The following SOD2 variants were observed in gnomAD, a reference collection of about 807,000 sequenced individuals.
SOD2 encodes the protein superoxide dismutase [Mn], mitochondrial.
SOD2 carries 11 observed loss-of-function variants against 27.0 expected under a neutral mutation model. That is an observed-to-expected ratio of 0.41 (90% confidence interval 0.26 to 0.67). The LOEUF (loss-of-function observed/expected upper bound fraction) is 0.67, where lower values mean the gene tolerates loss of function less well. Among genes scored for constraint, SOD2 ranks in the 30% least tolerant of loss-of-function variants. The pLI is 0.34. For synonymous variants in SOD2, 105 were observed against 103.0 expected, an observed-to-expected ratio of 1.02 and a Z score of -0.12; for missense variants, 250 against 274.5, an observed-to-expected ratio of 0.91 and a Z score of 0.63.
intron 1 of SOD2, chr6:159,742,195 T>G (rs752421123): frequency 1.4e-6 from 2 of 1,444,360 alleles, no homozygotes; most frequent in South Asian, 1.2e-5. Flanking sequence ...TCCTTTTGAT[T>G]GTTAAAATCA....
chr6:159,739,394 T>C (rs1414242901), intron 1 of SOD2, among the ~76,000 whole-genome samples: 2 of 152,180 alleles, frequency 1.3e-5, no homozygotes, highest in Non-Finnish European at 2.9e-5. Flanking sequence ...CTTTTTCTTA[T>C]TAGTGTGACC....
At chr6:159,756,275 T>C (rs2114964987) in intron 1 of SOD2, 1 of 152,792 alleles carries the variant, frequency 6.5e-6, no homozygotes, top group African/African-American at 2.4e-5. Flanking sequence ...ATATCTTACC[T>C]GTACTGACCA....
Position 159,673,550 on chromosome 6 carries a change from G to A in SOD2, c.*8943C>T, listed in dbSNP as rs1000113082. 1 of 152,036 alleles carries A rather than the reference G, an allele frequency of 6.6e-6. No homozygotes were observed. Among genetic ancestry groups the A allele is most frequent in the Non-Finnish European group, 1.5e-5 (1 of 67,994 alleles). 9.4% of individuals were successfully genotyped at this position (152,036 alleles called of 1,614,324 possible). On this transcript the variant is annotated 3_prime_UTR_variant, in exon 5 of 5. Transcript: ENST00000538183. The stretch of plus-strand genomic sequence containing the variant: ...AATAAAGATGTTCTTTGAAACCAAC[G>A]AGAACAAAGACACAACATACCAGAA...
intron 1 of SOD2, among the ~76,000 whole-genome samples, chr6:159,734,651 A>G (rs1288744588): frequency 2.0e-5 from 3 of 152,186 alleles, no homozygotes; most frequent in Non-Finnish European, 4.4e-5. Flanking sequence ...TCTCTTAAGA[A>G]AGAAAGAATA....
intron 1 of SOD2, chr6:159,725,910 T>A (rs775336878): frequency 6.6e-6 from 1 of 152,206 alleles, no homozygotes; most frequent in Non-Finnish European, 1.5e-5. Context: ...AACACACGAT[T>A]ATTTCCTGAA....
At chr6:159,696,379 G>T (rs1175577947), upstream of SOD2, among the ~76,000 whole-genome samples, 1 of 152,116 alleles carries the variant, frequency 6.6e-6, no homozygotes, top group African/African-American at 2.4e-5. Context: ...GAGTGCAGTG[G>T]TGCGATCTCG....
chr6:159,741,992 C>A (rs916568654), intron 1 of SOD2: 50 of 866,004 alleles, frequency 5.8e-5, no homozygotes, highest in Non-Finnish European at 6.9e-5. Flanking sequence ...GAAGAATGCT[C>A]AGTATTACTA....
chr6:159,709,318 A>G (rs1777685754), intron 1 of SOD2, among the ~76,000 whole-genome samples: 1 of 152,214 alleles, frequency 6.6e-6, no homozygotes, highest in South Asian at 2.1e-4. Context: ...CTACCATTAG[A>G]CTGAACAGGC....
chr6:159,736,165 TAATA>T lies in SOD2; in HGVS notation c.-116+8961_-116+8964del, dbSNP rs199792178. ...ATTATTCAACAGTAATTTAGTTCAC[TAATA>T]AATTGATTTGAAAGAGTCAGTATTT... On this transcript the variant is annotated intron_variant, in intron 1 of 3. Coordinates refer to the SOD2 transcript ENST00000537657. 3.5e-3 allele frequency: 4,251 copies of T among 1,220,244 alleles called. 111 individuals are homozygous for T. In the African/African-American group the frequency reaches 0.056, roughly 16 times the overall value. The allele number at this position is 1,220,244 out of a possible 1,614,324, so 75.6% of individuals were successfully genotyped here.
At chr6:159,694,995 T>C (rs539769786), upstream of SOD2, among the ~76,000 whole-genome samples, 7 of 152,200 alleles carry the variant, frequency 4.6e-5, no homozygotes, top group Admixed American at 4.6e-4. Flanking sequence ...TGAGACACAC[T>C]GAAAGTGGTT....
rs868597187 is a variant in SOD2, at chr6:159,707,041, A to G, written c.-115-14178T>C. 3.6e-3 allele frequency among the ~76,000 whole-genome samples: 547 copies of G among 152,236 alleles called. 2 individuals carry two copies. The highest frequency in any genetic ancestry group is 3.8e-3 in the African/African-American group (159 of 41,512). On this transcript the variant is annotated intron_variant, in intron 1 of 2. Transcript: ENST00000401980. ...CTACTGGGTACATAATGAAATGAAGACAGAAATAAAGATGTTCTTTGAAAC... is the reference window on the plus strand; with the variant it reads ...CTACTGGGTACATAATGAAATGAAGGCAGAAATAAAGATGTTCTTTGAAAC...
chr6:159,756,646 G>A (rs1405076484), intron 1 of SOD2, among the ~76,000 whole-genome samples: 1 of 128,468 alleles, frequency 7.8e-6, no homozygotes, highest in Non-Finnish European at 1.6e-5. Context: ...TTGTCACTTA[G>A]GCTCAAGTGC....
rs912671859 is a variant in SOD2 at position 159,670,240 on chromosome 6, CAA to C, written c.*12251_*12252del. 1.3e-5 allele frequency: 2 copies of C among 152,450 alleles called. No individual in the cohort carries two copies. Among genetic ancestry groups the C allele is most frequent in the African/African-American group, 4.8e-5 (2 of 41,446 alleles). The allele number at this position is 152,450 out of a possible 1,614,324, so 9.4% of individuals were successfully genotyped here. A position where few individuals can be genotyped will look rare whatever the true frequency, so the allele number is the denominator to read the frequency against. ...CAGGCTGGTCTCAAACTCCTGGACTCAAGAGATCCTCCTGCGTTGGCCTCCCA... is the reference window on the plus strand; with the variant it reads ...CAGGCTGGTCTCAAACTCCTGGACTCGAGATCCTCCTGCGTTGGCCTCCCA... On this transcript the variant is annotated 3_prime_UTR_variant, in exon 5 of 5. Transcript: ENST00000538183.
At chr6:159,725,668 A>C (rs1039448408) in intron 1 of SOD2, 3 of 151,350 alleles carry the variant, frequency 2.0e-5, no homozygotes, top group African/African-American at 7.3e-5. Context: ...TCCACCCCCC[A>C]CTCTTTATAG....
At chr6:159,713,723 A>G (rs1180035462) in intron 1 of SOD2, 2 of 912,050 alleles carry the variant, frequency 2.2e-6, no homozygotes, top group East Asian at 4.8e-5. Context: ...AATCCATTTC[A>G]ACACTATTAG....
At chr6:159,710,531 G>A (rs746519398) in intron 1 of SOD2, among the ~76,000 whole-genome samples, 1 of 152,044 alleles carries the variant, frequency 6.6e-6, no homozygotes, top group Admixed American at 6.6e-5. Flanking sequence ...CCCATTATAC[G>A]GGATATACTA....
At chr6:159,686,183 C>T (rs935283905) in intron 3 of SOD2, among the ~76,000 whole-genome samples, 25 of 152,162 alleles carry the variant, frequency 1.6e-4, no homozygotes, top group Admixed American at 1.2e-3. Flanking sequence ...TCTTATTCTA[C>T]GGGTTTAAAA....
chr6:159,738,791 AATG>A (rs953700242), intron 1 of SOD2, among the ~76,000 whole-genome samples: 1 of 152,058 alleles, frequency 6.6e-6, no homozygotes, highest in African/African-American at 2.4e-5. Flanking sequence ...GCATTTTCCT[AATG>A]ATGATGCCCA....
chr6:159,731,838 A>C (rs1217753542), upstream of SOD2, among the ~76,000 whole-genome samples: 4 of 152,204 alleles, frequency 2.6e-5, no homozygotes, highest in African/African-American at 9.7e-5. Context: ...TCAGAATACC[A>C]AGGTTATCAG....
Sources: allele counts gnomAD v4.1 joint callset (sites outside exome capture counted in the v4.1 genomes callset), GRCh38; gene constraint gnomAD v4.1.1; transcripts MANE v1.5; gene names NCBI Gene and HGNC (gene_info 2026-07-23, HGNC 2026-07-21).